Variants in FLYWCH2 observed in about 807,000 individuals in gnomAD.
FLYWCH2 encodes the protein FLYWCH family member 2.
Under a neutral mutation model 6.0 loss-of-function variants are expected in FLYWCH2, and 2 were observed. That is an observed-to-expected ratio of 0.33 (90% CI 0.14 to 1.04). The LOEUF is 1.04. FLYWCH2 is among the 50% of genes least tolerant of loss of function. The pLI, the probability that FLYWCH2 is intolerant of heterozygous loss-of-function variation, is 0.45. For synonymous variants in FLYWCH2, 87 were observed against 79.3 expected (o/e 1.10, Z -0.52); for missense variants, 192 against 183.4 (o/e 1.05, Z -0.27).
At chr16:2,886,423 A>T (rs142907623) in intron 1 of FLYWCH2, among the ~76,000 whole-genome samples, 1 of 145,922 alleles carries the variant, frequency 6.9e-6, no homozygotes, top group African/African-American at 2.7e-5. Flanking sequence ...GTCTAGGCTG[A>T]TCTCGAACTC....
Position 2,896,705 on chromosome 16 carries a change from G to A in FLYWCH2, c.256G>A (p.Glu86Lys), listed in dbSNP as rs746876478. ...CAAGGCCCTCCTCCAGACCCACCCC[G>A]AGGCCCAGCGGGCCATTGAGGCAGC... ...LAKALLQTHP[E>K]AQRAIEAAPQ... Residue 86 changes from glutamate (E) to lysine (K), a missense_variant, in exon 3 of 4, where the codon GAG becomes AAG. Physicochemically the swap from Glu to Lys is moderately conservative, Grantham distance 56. Coordinates refer to ENST00000396958, the MANE Select transcript of FLYWCH2 (RefSeq NM_138439.3). 3.5e-5 allele frequency: 57 copies of A among 1,612,448 alleles called. No homozygotes were observed. The highest frequency in any genetic ancestry group is 4.4e-5 in the Non-Finnish European group (52 of 1,179,848).
At chr16:2,896,021 G>GGGT (rs1309551243) in intron 2 of FLYWCH2, among the ~76,000 whole-genome samples, 1 of 152,230 alleles carries the variant, frequency 6.6e-6, no homozygotes, top group Non-Finnish European at 1.5e-5. Context: ...ACAGTCCTCA[G>GGGT]GGTGGAAACC....
chr16:2,894,019 G>A (rs887247726), intron 1 of FLYWCH2, among the ~76,000 whole-genome samples: 6 of 152,126 alleles, frequency 3.9e-5, no homozygotes, highest in African/African-American at 9.7e-5. Flanking sequence ...TGCCTCAGGT[G>A]CCAAATATTA....
At chr16:2,891,021 T>C (rs1423047986) in intron 1 of FLYWCH2, among the ~76,000 whole-genome samples, 3 of 152,220 alleles carry the variant, frequency 2.0e-5, no homozygotes, top group Non-Finnish European at 4.4e-5. Flanking sequence ...TATTCAGTTA[T>C]TTGTATCAGC....
chr16:2,897,148 A>G (rs2069832831), intron 3 of FLYWCH2, among the ~76,000 whole-genome samples: 1 of 152,024 alleles, frequency 6.6e-6, no homozygotes, highest in African/African-American at 2.4e-5. Flanking sequence ...ACCTTTCCAT[A>G]TGTTCTAGAA....
chr16:2,885,357 G>C (rs1335132261), intron 1 of FLYWCH2, among the ~76,000 whole-genome samples: 1 of 151,938 alleles, frequency 6.6e-6, no homozygotes. Flanking sequence ...ATACAGTTCA[G>C]TGGCTTTAGT....
Position 2,896,315 on chromosome 16 carries a change from G to T in FLYWCH2, c.-98-37G>T, listed in dbSNP as rs2069818630. 3 of 1,176,356 alleles carry T rather than the reference G, an allele frequency of 2.6e-6. No individual in the cohort carries two copies. In the South Asian group the frequency reaches 4.9e-5, roughly 19 times the overall value. The allele number at this position is 1,176,356 out of a possible 1,614,324, so 72.9% of individuals were successfully genotyped here. A position where few individuals can be genotyped will look rare whatever the true frequency, so the allele number is the denominator to read the frequency against. On this transcript the variant is annotated intron_variant, in intron 2 of 3. Coordinates refer to ENST00000396958, the MANE Select transcript of FLYWCH2 (RefSeq NM_138439.3). The stretch of plus-strand genomic sequence containing the variant: ...GATCCACGTCTAGAGCCTCCCAAGG[G>T]CTTCCACCACTGACGGGATTTTGCT...
At chr16:2,886,833 AT>A (rs1567302660) in intron 1 of FLYWCH2, among the ~76,000 whole-genome samples, 1 of 151,690 alleles carries the variant, frequency 6.6e-6, no homozygotes, top group African/African-American at 2.4e-5. Flanking sequence ...CCATTTTTAA[AT>A]TGTTTGTTTG....
At chr16:2,899,376 T>G (rs2069859899), downstream of FLYWCH2, 3 of 415,372 alleles carry the variant, frequency 7.2e-6, no homozygotes, top group Non-Finnish European at 1.3e-5. Flanking sequence ...TGGGCAGGTT[T>G]TAAACATCCC....
At chr16:2,895,594 G>A (rs2069810178) in intron 2 of FLYWCH2, among the ~76,000 whole-genome samples, 1 of 152,226 alleles carries the variant, frequency 6.6e-6, no homozygotes, top group Non-Finnish European at 1.5e-5. Context: ...CAGCCTGGGC[G>A]ACAGAGCGAG....
intron 3 of FLYWCH2, among the ~76,000 whole-genome samples, chr16:2,898,102 G>A (rs899827388): frequency 6.6e-6 from 1 of 152,176 alleles, no homozygotes; most frequent in Non-Finnish European, 1.5e-5. Context: ...AAATTGAGGG[G>A]TGAGTGGCCT....
chr16:2,894,338 C>G (rs904839711), intron 1 of FLYWCH2, among the ~76,000 whole-genome samples: 7 of 152,166 alleles, frequency 4.6e-5, no homozygotes, highest in African/African-American at 1.4e-4. Flanking sequence ...CCGGGGTGGA[C>G]TCGGACGTGG....
At chr16:2,891,688 G>A (rs888187388) in intron 1 of FLYWCH2, among the ~76,000 whole-genome samples, 10 of 151,540 alleles carry the variant, frequency 6.6e-5, no homozygotes, top group Non-Finnish European at 1.5e-4. Context: ...ATAGGCGTGA[G>A]CCACCGCGCC....
intron 1 of FLYWCH2, among the ~76,000 whole-genome samples, chr16:2,890,810 A>G (rs1292912933): frequency 6.6e-6 from 1 of 151,976 alleles, no homozygotes; most frequent in Admixed American, 6.6e-5. Context: ...AAAGTAATCC[A>G]CCCACCTCAA....
intron 1 of FLYWCH2, among the ~76,000 whole-genome samples, chr16:2,894,910 G>GT (rs1416663148): frequency 1.3e-5 from 2 of 152,174 alleles, no homozygotes; most frequent in African/African-American, 2.4e-5. Context: ...GGGGTCCAAG[G>GT]AAACCATGAG....
At position 2,899,271 on chromosome 16, in the gene FLYWCH2, T is replaced by TC. The variant is rs1361274405; in HGVS notation, c.*122_*123insC. ...TTAACATTGTGTGATTTCTTTTCTT[T>TC]TTTTTTTTTTTTTTAGATCAAGTAT... On this transcript the variant is annotated 3_prime_UTR_variant, in exon 4 of 4. Transcript: ENST00000396958. 65 of 472,742 alleles carry TC rather than the reference T, an allele frequency of 1.4e-4. No homozygotes were observed. Among genetic ancestry groups the TC allele is most frequent in the Non-Finnish European group, 1.9e-4 (54 of 282,066 alleles). The allele number at this position is 472,742 out of a possible 1,614,324, so 29.3% of individuals were successfully genotyped here.
chr16:2,899,260 T>G lies in FLYWCH2; in HGVS notation c.*111T>G, dbSNP rs996123132. ...AATCTTTGCTTTTAACATTGTGTGATTTCTTTTCTTTTTTTTTTTTTTTTT... is the reference window on the plus strand; with the variant it reads ...AATCTTTGCTTTTAACATTGTGTGAGTTCTTTTCTTTTTTTTTTTTTTTTT... On this transcript the variant is annotated 3_prime_UTR_variant, in exon 4 of 4. Transcript: ENST00000396958. 10 of 510,746 alleles carry G rather than the reference T, an allele frequency of 2.0e-5. No homozygotes were observed. The highest frequency in any genetic ancestry group is 3.3e-5 in the Non-Finnish European group (10 of 307,612). The allele number at this position is 510,746 out of a possible 1,614,324, so 31.6% of individuals were successfully genotyped here.
intron 2 of FLYWCH2, among the ~76,000 whole-genome samples, chr16:2,895,706 G>A (rs2069811537): frequency 6.6e-6 from 1 of 152,214 alleles, no homozygotes; most frequent in Non-Finnish European, 1.5e-5. Flanking sequence ...CACCTGCCAG[G>A]GCCAGCTGCA....
intron 1 of FLYWCH2, among the ~76,000 whole-genome samples, chr16:2,888,045 G>A (rs1204501016): frequency 1.3e-5 from 2 of 151,940 alleles, no homozygotes; most frequent in African/African-American, 2.4e-5. Context: ...GTCTCGCTCT[G>A]TTGCCCAGGC....
Sources: allele counts gnomAD v4.1 joint callset (sites outside exome capture counted in the v4.1 genomes callset), GRCh38; gene constraint gnomAD v4.1.1; transcripts MANE v1.5; gene names NCBI Gene and HGNC (gene_info 2026-07-23, HGNC 2026-07-21).